The following IDE variants were observed in gnomAD, a reference collection of about 807,000 sequenced individuals.
IDE encodes the protein insulin-degrading enzyme.
IDE carries 58 observed loss-of-function variants against 133.2 expected under a neutral mutation model. That is an observed-to-expected ratio of 0.44 (90% CI 0.35 to 0.54). IDE has a LOEUF of 0.54. Ranked by LOEUF, IDE falls within the 20% of genes least tolerant of loss-of-function variation. The probability of loss-of-function intolerance (pLI) is 0.00; values close to 1 mark genes in which losing one functional copy is unlikely to be tolerated. For synonymous variants in IDE, 396 were observed against 421.3 expected, an observed-to-expected ratio of 0.94 and a Z score of 0.73; for missense variants, 981 against 1,234.0, an observed-to-expected ratio of 0.79 and a Z score of 3.07.
intron 1 of IDE, 71 bp from the exon 2 acceptor site, chr10:92,537,621 A>G (rs1457824309): frequency 9.0e-7 from 1 of 1,115,824 alleles, no homozygotes; most frequent in East Asian, 2.4e-5. Context: ...ACGTCAAGTA[A>G]ACCCATATAA....
At chr10:92,459,824 CT>C (rs901315055) in intron 22 of IDE, among the ~76,000 whole-genome samples, 13,127 of 92,800 alleles carry the variant, frequency 0.14, 260 homozygotes, top group Non-Finnish European at 0.16. Flanking sequence ...GTGTGAACCT[CT>C]TTTTTTTTTT....
chr10:92,513,808 C>T (rs905319254), intron 5 of IDE, among the ~76,000 whole-genome samples: 52 of 151,952 alleles, frequency 3.4e-4, no homozygotes, highest in African/African-American at 1.2e-3. Context: ...GTGCCAAGCA[C>T]GAGCCCAGGT....
chr10:92,519,809 A>C (rs1361854106), intron 4 of IDE, among the ~76,000 whole-genome samples: 1 of 152,144 alleles, frequency 6.6e-6, no homozygotes, highest in Non-Finnish European at 1.5e-5. Flanking sequence ...GTGAGAATTA[A>C]AATATAAATA....
intron 19 of IDE, 119 bp from the exon 20 acceptor site, chr10:92,465,962 T>A: frequency 1.2e-6 from 1 of 824,536 alleles, no homozygotes; most frequent in Non-Finnish European, 2.0e-6. Context: ...AAAAGGGAGG[T>A]AGAGAAGCCT....
intron 4 of IDE, among the ~76,000 whole-genome samples, chr10:92,515,644 C>T (rs1352586644): frequency 6.7e-6 from 1 of 149,548 alleles, no homozygotes; most frequent in African/African-American, 2.5e-5. Context: ...TCACCCCAAC[C>T]TCCGCCTCCC....
At chr10:92,482,186 A>G (rs969454961) in intron 14 of IDE, among the ~76,000 whole-genome samples, 6 of 152,228 alleles carry the variant, frequency 3.9e-5, no homozygotes, top group Admixed American at 6.5e-5. Flanking sequence ...AGCCAACTGA[A>G]TAAAAATTAA....
intron 1 of IDE, among the ~76,000 whole-genome samples, chr10:92,560,663 G>C (rs11187068): frequency 0.057 from 8,730 of 151,942 alleles, 871 homozygotes; most frequent in African/African-American, 0.2. Flanking sequence ...CGCACCTGTA[G>C]TCTCAGCTAC....
chr10:92,534,433 TTTTC>T, intron 3 of IDE, 141 bp downstream of exon 3: 1 of 592,104 alleles, frequency 1.7e-6, no homozygotes, highest in Non-Finnish European at 2.9e-6. Flanking sequence ...ATCACTCATT[TTTTC>T]TTTTTCAGAA....
At position 92,534,635 on chromosome 10, in the gene IDE, T is replaced by C. The variant is rs771210561; in HGVS notation, c.434A>G (p.Glu145Gly). Reference sequence around the variant, plus strand: ...AACATCAAAATAGTAATTGGTATGCTCTCCACTAGTAAAGGCATTTGAACT... The same window carrying C: ...AACATCAAAATAGTAATTGGTATGCCCTCCACTAGTAAAGGCATTTGAACT... Reference protein sequence around the residue: ...AGSSNAFTSGEHTNYYFDVSH... With the variant: ...AGSSNAFTSGGHTNYYFDVSH... The change falls in exon 3 of 25, where the codon GAG becomes GGG. Residue 145 changes from glutamate (E) to glycine (G), a missense_variant. Around this residue, in one of 2 missense-constraint regions of IDE, gnomAD observed 321 missense variants for 339.3 expected, o/e 0.95. Coordinates refer to ENST00000265986, the MANE Select transcript of IDE (RefSeq NM_004969.4). The C allele has an allele frequency of 2.5e-6, 4 of 1,613,926 alleles. No homozygotes were observed. In the East Asian group the frequency reaches 8.9e-5, roughly 36 times the overall value.
intron 4 of IDE, among the ~76,000 whole-genome samples, chr10:92,520,215 G>A (rs982486838): frequency 5.3e-5 from 8 of 152,176 alleles, no homozygotes; most frequent in African/African-American, 9.7e-5. Flanking sequence ...TAATGGATGC[G>A]AAGAGGGGTT....
chr10:92,472,299 C>A (rs946251004), intron 17 of IDE, among the ~76,000 whole-genome samples: 1 of 152,126 alleles, frequency 6.6e-6, no homozygotes, highest in Non-Finnish European at 1.5e-5. Flanking sequence ...GTGAATAAAA[C>A]CCTCAAACCT....
chr10:92,460,834 A>G (rs1845340896), intron 22 of IDE, among the ~76,000 whole-genome samples: 3 of 152,190 alleles, frequency 2.0e-5, no homozygotes, highest in Non-Finnish European at 2.9e-5. Flanking sequence ...AATATAGCAC[A>G]TACAATAGGT....
chr10:92,499,771 CTG>C (rs1349452023), intron 11 of IDE, among the ~76,000 whole-genome samples: 1 of 152,124 alleles, frequency 6.6e-6, no homozygotes, highest in Non-Finnish European at 1.5e-5. Context: ...CATGTTCTAT[CTG>C]AGAAATCTTT....
chr10:92,511,050 A>C (rs1848596862), intron 5 of IDE, among the ~76,000 whole-genome samples: 1 of 149,982 alleles, frequency 6.7e-6, no homozygotes, highest in Admixed American at 6.7e-5. Context: ...TTCCATTTGT[A>C]CAAATTACTA....
chr10:92,504,710 T>C, intron 11 of IDE, 84 bp downstream of exon 11: 2 of 741,772 alleles, frequency 2.7e-6, no homozygotes, highest in South Asian at 1.6e-5. Flanking sequence ...TTAAAAGCAT[T>C]TTATTCACAA....
intron 21 of IDE, among the ~76,000 whole-genome samples, chr10:92,461,710 G>T (rs1439441083): frequency 6.6e-6 from 1 of 151,614 alleles, no homozygotes; most frequent in Non-Finnish European, 1.5e-5. Flanking sequence ...TCTCACCCAG[G>T]CTGTTGTGCA....
At chr10:92,472,879 G>A (rs531491786) in intron 17 of IDE, among the ~76,000 whole-genome samples, 1 of 150,262 alleles carries the variant, frequency 6.7e-6, no homozygotes, top group Admixed American at 6.7e-5. Flanking sequence ...CTTGTGATCC[G>A]CCCGCCTCGG....
chr10:92,530,429 G>A (rs1340703703), intron 4 of IDE, among the ~76,000 whole-genome samples: 1 of 151,830 alleles, frequency 6.6e-6, no homozygotes, highest in African/African-American at 2.4e-5. Flanking sequence ...TGGACTACAG[G>A]CACACACCAC....
chr10:92,454,390 C>T lies in IDE; in HGVS notation c.*54G>A, dbSNP rs1844883112. ...AAGTGGCCAAGATGATTTTCTTAGG[C>T]TCTGGAAGACTCAGGAATGCATCCA... On this transcript the variant is annotated 3_prime_UTR_variant, in exon 25 of 25. Transcript: ENST00000265986. The T allele has an allele frequency of 4.2e-6, 5 of 1,194,162 alleles. No individual in the cohort carries two copies. Among genetic ancestry groups the T allele is most frequent in the African/African-American group, 1.5e-5 (1 of 66,946 alleles). The allele number at this position is 1,194,162 out of a possible 1,614,324, so 74.0% of individuals were successfully genotyped here.
Sources: allele counts gnomAD v4.1 joint callset (sites outside exome capture counted in the v4.1 genomes callset), GRCh38; gene constraint gnomAD v4.1.1; regional missense constraint gnomAD v4.1.1; transcripts MANE v1.5; gene names NCBI Gene and HGNC (gene_info 2026-07-23, HGNC 2026-07-21).